The following EYA1 variants were observed in gnomAD, a reference collection of about 807,000 sequenced individuals.
EYA1 encodes the protein EYA transcriptional coactivator and phosphatase 1, also known as protein phosphatase EYA1.
A neutral mutation model predicts 82.0 loss-of-function variants in EYA1; 16 were observed. The ratio of observed to expected loss-of-function variants is 0.20; its 90% CI spans 0.13 to 0.30. The LOEUF (loss-of-function observed/expected upper bound fraction) is 0.30. Among genes scored for constraint, EYA1 ranks in the 10% least tolerant of loss-of-function variants. EYA1 has a pLI of 1.00. For missense variants in EYA1, 633 were observed against 730.7 expected, an observed-to-expected ratio of 0.87 and a Z score of 1.54; for synonymous variants, 261 against 264.4, an observed-to-expected ratio of 0.99 and a Z score of 0.12.
chr8:71,505,175 C>T (rs1451099118), intron 2 of EYA1, among the ~76,000 whole-genome samples: 1 of 152,182 alleles, frequency 6.6e-6, no homozygotes, highest in Non-Finnish European at 1.5e-5. Context: ...TTATCCTCCA[C>T]TATGGCATTT....
chr8:71,368,347 G>A (rs375820207), intron 2 of EYA1, among the ~76,000 whole-genome samples: 5 of 152,110 alleles, frequency 3.3e-5, no homozygotes, highest in East Asian at 3.9e-4. Flanking sequence ...TGAAAGATCC[G>A]CAAAGCCCCC....
At chr8:71,269,998 A>G (rs372763034) in intron 10 of EYA1, among the ~76,000 whole-genome samples, 175 bp from the exon 11 acceptor site, 24 of 152,242 alleles carry the variant, frequency 1.6e-4, no homozygotes, top group Non-Finnish European at 2.6e-4. Flanking sequence ...TTCTCCAGAT[A>G]TAACTTTGGA....
chr8:71,249,917 C>A (rs951859619), intron 11 of EYA1, among the ~76,000 whole-genome samples: 1 of 152,198 alleles, frequency 6.6e-6, no homozygotes, highest in Non-Finnish European at 1.5e-5. Flanking sequence ...CCAACCCAGA[C>A]CTTGGCATTT....
intron 2 of EYA1, among the ~76,000 whole-genome samples, chr8:71,472,758 G>A (rs1328016247): frequency 2.2e-5 from 3 of 139,238 alleles, no homozygotes; most frequent in African/African-American, 7.9e-5. Flanking sequence ...AGTATGTATT[G>A]AATACATGCA....
At chr8:71,410,131 A>G (rs866816492) in intron 2 of EYA1, among the ~76,000 whole-genome samples, 205 of 151,702 alleles carry the variant, frequency 1.4e-3, no homozygotes, top group African/African-American at 4.5e-3. Context: ...CAAAAACCAC[A>G]TGATTATTTC....
At chr8:71,325,392 A>T (rs1823037698) in intron 4 of EYA1, among the ~76,000 whole-genome samples, 1 of 152,170 alleles carries the variant, frequency 6.6e-6, no homozygotes, top group Non-Finnish European at 1.5e-5. Flanking sequence ...TAGCGTATGT[A>T]GTGTATAGAT....
intron 2 of EYA1, among the ~76,000 whole-genome samples, chr8:71,458,802 T>C (rs896241959): frequency 6.6e-6 from 1 of 152,170 alleles, no homozygotes; most frequent in African/African-American, 2.4e-5. Flanking sequence ...AGTGCTCTTA[T>C]GACATCCAAA....
chr8:71,423,988 A>C (rs1191275994), intron 2 of EYA1, among the ~76,000 whole-genome samples: 1 of 152,224 alleles, frequency 6.6e-6, no homozygotes, highest in Non-Finnish European at 1.5e-5. Context: ...CCTTAGGTAA[A>C]TGTTAAACAA....
intron 11 of EYA1, among the ~76,000 whole-genome samples, chr8:71,247,863 A>G (rs1455318377): frequency 6.6e-6 from 1 of 152,140 alleles, no homozygotes; most frequent in Non-Finnish European, 1.5e-5. Context: ...TTGTCTCATA[A>G]CCATGTCAAT....
At chr8:71,261,950 G>A (rs931417076) in intron 11 of EYA1, among the ~76,000 whole-genome samples, 1 of 151,986 alleles carries the variant, frequency 6.6e-6, no homozygotes, top group African/African-American at 2.4e-5. Flanking sequence ...CTATTAAATC[G>A]GTCTTCCAAA....
Position 71,211,148 on chromosome 8 carries a change from A to C in EYA1, c.1698+8T>G. Reference sequence around the variant, plus strand: ...ATGAGACAAGATGCACCATCTAGGAATGCTCACCTTTTTTGCTCCTTGTTC... The same window carrying C: ...ATGAGACAAGATGCACCATCTAGGACTGCTCACCTTTTTTGCTCCTTGTTC... On this transcript the variant is annotated splice_region_variant and intron_variant, in intron 17 of 17. Coordinates refer to ENST00000340726, the MANE Select transcript of EYA1 (RefSeq NM_000503.6). The C allele has an allele frequency of 6.4e-7, 1 of 1,568,282 alleles. No homozygotes were observed. Among genetic ancestry groups the C allele is most frequent in the South Asian group, 1.1e-5 (1 of 90,158 alleles).
chr8:71,402,387 C>T (rs1830004891), intron 2 of EYA1, among the ~76,000 whole-genome samples: 1 of 152,020 alleles, frequency 6.6e-6, no homozygotes, highest in Non-Finnish European at 1.5e-5. Flanking sequence ...AAACAAGATA[C>T]CTAAGAATAC....
At chr8:71,415,709 T>A (rs919967059) in intron 2 of EYA1, among the ~76,000 whole-genome samples, 1 of 152,188 alleles carries the variant, frequency 6.6e-6, no homozygotes, top group Admixed American at 6.5e-5. Flanking sequence ...CTTCACACTC[T>A]ATAGACACGA....
chr8:71,535,213 T>A (rs1293956427), intron 2 of EYA1, among the ~76,000 whole-genome samples: 1 of 152,150 alleles, frequency 6.6e-6, no homozygotes, highest in African/African-American at 2.4e-5. Flanking sequence ...CTGTAGAAAA[T>A]CTGCGAACCC....
Position 71,221,557 on chromosome 8 carries a change from A to G in EYA1, c.1141-4534T>C, listed in dbSNP as rs1425068410. 3.3e-5 allele frequency among the ~76,000 whole-genome samples: 5 copies of G among 152,224 alleles called. No homozygotes were observed. In the South Asian group the frequency reaches 6.2e-4, roughly 19 times the overall value. ...GGGCTCAGAAACAAGTCAGCAGTAG[A>G]GGAATATATAATAAACATTTCTATT... On this transcript the variant is annotated intron_variant, in intron 12 of 17. Transcript: ENST00000340726.
intron 7 of EYA1, among the ~76,000 whole-genome samples, chr8:71,310,392 T>C (rs1821205459): frequency 6.6e-6 from 1 of 152,212 alleles, no homozygotes; most frequent in Non-Finnish European, 1.5e-5. Context: ...TAGTTATTTT[T>C]CCTGATCCTC....
At chr8:71,342,437 C>T (rs1825245552) in intron 3 of EYA1, among the ~76,000 whole-genome samples, 1 of 152,044 alleles carries the variant, frequency 6.6e-6, no homozygotes, top group African/African-American at 2.4e-5. Context: ...TACCCATTTC[C>T]CAATACTCAG....
At chr8:71,300,174 G>T (rs763814616) in intron 7 of EYA1, among the ~76,000 whole-genome samples, 1 of 152,110 alleles carries the variant, frequency 6.6e-6, no homozygotes, top group Non-Finnish European at 1.5e-5. Context: ...TTAAAATGGC[G>T]TATGGAAAAA....
chr8:71,338,203 C>T (rs927799137), intron 3 of EYA1, among the ~76,000 whole-genome samples: 4 of 152,152 alleles, frequency 2.6e-5, no homozygotes, highest in Non-Finnish European at 5.9e-5. Flanking sequence ...AGCCATGAGG[C>T]CACACTTCAA....
Sources: allele counts gnomAD v4.1 joint callset (sites outside exome capture counted in the v4.1 genomes callset), GRCh38; gene constraint gnomAD v4.1.1; transcripts MANE v1.5; gene names NCBI Gene and HGNC (gene_info 2026-07-23, HGNC 2026-07-21).